The following LRP11 variants were observed in gnomAD, a reference collection of about 807,000 sequenced individuals.
The protein encoded by LRP11 is low-density lipoprotein receptor-related protein 11.
Under a neutral mutation model 43.1 loss-of-function variants are expected in LRP11, and 25 were observed. The ratio of observed to expected loss-of-function variants is 0.58; its 90% CI spans 0.42 to 0.81. The LOEUF (loss-of-function observed/expected upper bound fraction) is 0.81. Among genes scored for constraint, LRP11 ranks in the 30% least tolerant of loss-of-function variants. The probability of loss-of-function intolerance (pLI) is 0.00; values close to 1 mark genes in which losing one functional copy is unlikely to be tolerated. For missense variants in LRP11, 623 were observed against 665.1 expected, an observed-to-expected ratio of 0.94 and a Z score of 0.70; for synonymous variants, 316 against 299.4, an observed-to-expected ratio of 1.06 and a Z score of -0.57.
At chr6:149,845,567 G>A (rs1228020061) in intron 2 of LRP11, among the ~76,000 whole-genome samples, 1 of 152,104 alleles carries the variant, frequency 6.6e-6, no homozygotes, top group Non-Finnish European at 1.5e-5. Flanking sequence ...AATGCCAAAC[G>A]GGTCATTTAC....
chr6:149,837,367 T>C lies in LRP11; in HGVS notation c.1010A>G (p.Asp337Gly), dbSNP rs753674984. 4 of 1,613,908 alleles carry C rather than the reference T, an allele frequency of 2.5e-6. No individual in the cohort carries two copies. The African/African-American group carries it at 5.3e-5, about 22-fold the overall frequency. The stretch of plus-strand genomic sequence containing the variant: ...CTGGCAGAAGTCTTCATCAGACCCA[T>C]CAGGACACTGCTGCACTCCATCGCA... ...LACDGVQQCP[D>G]GSDEDFCQNL... The change falls in exon 4 of 7, where the codon GAT becomes GGT. Residue 337 changes from aspartate to glycine, a missense_variant. Physicochemically the swap from Asp to Gly is moderately conservative, Grantham distance 94. Coordinates refer to ENST00000239367, the MANE Select transcript of LRP11 (RefSeq NM_032832.6).
chr6:149,840,511 C>T (rs1423995016), intron 3 of LRP11, among the ~76,000 whole-genome samples: 3 of 152,296 alleles, frequency 2.0e-5, no homozygotes, highest in East Asian at 1.9e-4. Flanking sequence ...CTCTGGAGCC[C>T]GGAAAGCTGC....
At chr6:149,860,571 G>T (rs1003525655) in intron 1 of LRP11, among the ~76,000 whole-genome samples, 1 of 152,100 alleles carries the variant, frequency 6.6e-6, no homozygotes, top group South Asian at 2.1e-4. Context: ...ACGACAGCCT[G>T]GGATGGAGGA....
chr6:149,852,976 T>C, intron 2 of LRP11, 27 bp downstream of exon 2: 1 of 1,553,956 alleles, frequency 6.4e-7, no homozygotes, highest in Non-Finnish European at 8.7e-7. Flanking sequence ...AATACTCGTT[T>C]TTGTTAGCAG....
chr6:149,853,829 A>G (rs1486592024), intron 1 of LRP11, among the ~76,000 whole-genome samples: 1 of 152,112 alleles, frequency 6.6e-6, no homozygotes, highest in African/African-American at 2.4e-5. Flanking sequence ...GATTATTAAA[A>G]CAAACCTGAA....
intron 3 of LRP11, chr6:149,842,639 T>G: frequency 6.4e-7 from 1 of 1,550,914 alleles, no homozygotes; most frequent in Non-Finnish European, 8.7e-7. Flanking sequence ...ACTCCTTAGC[T>G]TCCCTCTTGG....
chr6:149,841,781 G>A (rs758044090), intron 3 of LRP11, among the ~76,000 whole-genome samples: 5 of 151,932 alleles, frequency 3.3e-5, no homozygotes, highest in Admixed American at 6.6e-5. Context: ...GCGTGGTGGT[G>A]CACACCTGTA....
chr6:149,837,285 C>A, intron 4 of LRP11, 53 bp downstream of exon 4: 1 of 1,588,394 alleles, frequency 6.3e-7, no homozygotes, highest in Admixed American at 1.7e-5. Context: ...ACACAGACCT[C>A]CCAACTCCAT....
intron 2 of LRP11, among the ~76,000 whole-genome samples, chr6:149,847,528 T>C (rs1012563755): frequency 1.3e-5 from 2 of 152,236 alleles, no homozygotes; most frequent in Admixed American, 6.5e-5. Context: ...AGGATGACAC[T>C]GGAGAGAGGG....
intron 5 of LRP11, among the ~76,000 whole-genome samples, chr6:149,834,390 T>A (rs1165961284): frequency 6.6e-6 from 1 of 152,180 alleles, no homozygotes; most frequent in African/African-American, 2.4e-5. Flanking sequence ...TCCAGAGATA[T>A]GAAGTGACTT....
intron 1 of LRP11, among the ~76,000 whole-genome samples, chr6:149,856,138 A>G (rs934351478): frequency 6.6e-6 from 1 of 152,250 alleles, no homozygotes; most frequent in African/African-American, 2.4e-5. Flanking sequence ...TTTTAAGTAG[A>G]CAAATGAAAA....
intron 6 of LRP11, among the ~76,000 whole-genome samples, chr6:149,824,165 G>T (rs1164731533): frequency 2.0e-5 from 3 of 152,192 alleles, no homozygotes; most frequent in Non-Finnish European, 4.4e-5. Context: ...CAGTCCGGGG[G>T]ACTTGCTTAA....
Position 149,843,086 on chromosome 6 carries a change from C to T in LRP11, c.810G>A (p.Gln270=). Residue 270 remains glutamine (Q), a synonymous_variant, in exon 3 of 7, where the codon CAG becomes CAA. Coordinates refer to ENST00000239367, the MANE Select transcript of LRP11 (RefSeq NM_032832.6). ...TCAGCTGGAAGGTGTAGGTTCCCTCCTGTAGGTGGGACAGCTTCAGGGTTC... is the reference window on the plus strand; with the variant it reads ...TCAGCTGGAAGGTGTAGGTTCCCTCTTGTAGGTGGGACAGCTTCAGGGTTC... ...QSGTLKLSHL[Q]EGTYTFQLTV... 1 of 1,614,184 alleles carries T rather than the reference C, an allele frequency of 6.2e-7. No individual in the cohort carries two copies. The highest frequency in any genetic ancestry group is 8.5e-7 in the Non-Finnish European group (1 of 1,180,030).
intron 1 of LRP11, among the ~76,000 whole-genome samples, chr6:149,858,367 C>T (rs1776834531): frequency 6.6e-6 from 1 of 152,176 alleles, no homozygotes; most frequent in Non-Finnish European, 1.5e-5. Flanking sequence ...CTGCAAAGGA[C>T]ATGAACTCAT....
rs550149349 is a variant in LRP11 at position 149,846,681 on chromosome 6, T to C, written c.772-3557A>G. Among the ~76,000 whole-genome samples, 7 of 152,282 alleles carry C rather than the reference T, an allele frequency of 4.6e-5. No individual in the cohort carries two copies. In the South Asian group the frequency reaches 1.0e-3, roughly 23 times the overall value. ...GGCCGGGCACAGTGGCTCACGCCTG[T>C]AATCTCACCACTTTGGGAGGCTGAG... On this transcript the variant is annotated intron_variant, in intron 2 of 6. Transcript: ENST00000239367.
At chr6:149,855,856 C>A (rs1402066865) in intron 1 of LRP11, among the ~76,000 whole-genome samples, 2 of 152,124 alleles carry the variant, frequency 1.3e-5, no homozygotes, top group Non-Finnish European at 2.9e-5. Flanking sequence ...TAAACAATCC[C>A]CTGCCTAGGA....
chr6:149,843,992 T>C (rs925768224), intron 2 of LRP11, among the ~76,000 whole-genome samples: 5 of 152,180 alleles, frequency 3.3e-5, no homozygotes, highest in South Asian at 2.1e-4. Context: ...CGGTGGCTCA[T>C]GCCTGTAATC....
chr6:149,852,913 A>G, intron 2 of LRP11, 90 bp downstream of exon 2: 2 of 1,185,774 alleles, frequency 1.7e-6, no homozygotes, highest in East Asian at 2.7e-5. Context: ...GCTAGCGTAC[A>G]GACATTTAGG....
chr6:149,854,763 C>A (rs1583095517), intron 1 of LRP11, among the ~76,000 whole-genome samples: 1 of 152,138 alleles, frequency 6.6e-6, no homozygotes, highest in Non-Finnish European at 1.5e-5. Flanking sequence ...TGCAAGGCAC[C>A]GCCTCTCCTC....
Sources: gnomAD v4.1 joint callset for allele counts (sites outside exome capture counted in the v4.1 genomes callset) on GRCh38, gnomAD v4.1.1 for gene constraint, MANE v1.5 for transcripts, NCBI Gene and HGNC (gene_info 2026-07-23, HGNC 2026-07-21) for gene names.